The following LONP2 variants were observed in gnomAD, a reference collection of about 807,000 sequenced individuals.
LONP2 encodes the protein lon protease homolog 2, peroxisomal.
LONP2 carries 60 observed loss-of-function variants against 85.6 expected under a neutral mutation model. That is an observed-to-expected ratio of 0.70 (90% CI 0.57 to 0.87). LONP2 has a LOEUF of 0.87. Among genes scored for constraint, LONP2 ranks in the 40% least tolerant of loss-of-function variants. The probability of loss-of-function intolerance (pLI) is 0.00; values close to 1 mark genes in which losing one functional copy is unlikely to be tolerated. For synonymous variants in LONP2, 395 were observed against 389.7 expected, an observed-to-expected ratio of 1.01 and a Z score of -0.16; for missense variants, 860 against 1,063.5, an observed-to-expected ratio of 0.81 and a Z score of 2.66.
chr16:48,261,395 C>T (rs746767785), intron 4 of LONP2, 29 bp from the exon 5 acceptor site: 19 of 1,520,466 alleles, frequency 1.2e-5, no homozygotes, highest in Middle Eastern at 4.3e-4. Flanking sequence ...TTTTGACATA[C>T]GGTTTTACTT....
At position 48,351,672 on chromosome 16, in the gene LONP2, G is replaced by A. The variant is rs1960154065; in HGVS notation, c.2429G>A (p.Gly810Glu). The change falls in exon 15 of 15, where the codon GGA (glycine) becomes GAA (glutamate). Residue 810 changes from glycine to glutamate, a missense_variant. This residue lies in a region of LONP2 where 115 missense variants were observed against 129.0 expected (regional missense o/e 0.89). Transcript: ENST00000285737. ...IPRRNEKDLE[G>E]IPGNVRQDLS... ...CGGAGAAATGAAAAAGACCTTGAGGGAATCCCAGGCAACGTACGACAGGAT... is the reference window on the plus strand; with the variant it reads ...CGGAGAAATGAAAAAGACCTTGAGGAAATCCCAGGCAACGTACGACAGGAT... 1.9e-6 allele frequency: 3 copies of A among 1,614,042 alleles called. No individual in the cohort carries two copies. In the African/African-American group the frequency reaches 4.0e-5, roughly 22 times the overall value.
intron 13 of LONP2, 52 bp downstream of exon 13, chr16:48,347,766 C>A: frequency 6.5e-7 from 1 of 1,527,688 alleles, no homozygotes; most frequent in South Asian, 1.2e-5. Flanking sequence ...CGGTACCTTC[C>A]ATGGCGGAGA....
chr16:48,286,529 G>T (rs1269099189), intron 8 of LONP2, among the ~76,000 whole-genome samples: 1 of 151,988 alleles, frequency 6.6e-6, no homozygotes, highest in Admixed American at 6.6e-5. Context: ...TTGAGACAGG[G>T]TCTCGCTCTG....
chr16:48,265,398 G>T (rs1971969354), intron 6 of LONP2, among the ~76,000 whole-genome samples: 1 of 152,142 alleles, frequency 6.6e-6, no homozygotes, highest in African/African-American at 2.4e-5. Flanking sequence ...TTTGTACATG[G>T]TGTCATATAA....
rs78793668 is a variant in LONP2, at chr16:48,292,356, G to A, written c.1384-3659G>A. 1.9e-4 allele frequency among the ~76,000 whole-genome samples: 29 copies of A among 152,266 alleles called. No homozygotes were observed. In the East Asian group the frequency reaches 5.4e-3, roughly 28 times the overall value. On this transcript the variant is annotated intron_variant, in intron 8 of 14. Coordinates refer to ENST00000285737, the MANE Select transcript of LONP2 (RefSeq NM_031490.5). ...ATTTCTCAGTGGGGGGATTGTGAGG[G>A]AGATATGTAGCTTTTTTTGTCTTTG...
chr16:48,329,744 C>T (rs1181103167), intron 11 of LONP2, among the ~76,000 whole-genome samples: 2 of 152,132 alleles, frequency 1.3e-5, no homozygotes, highest in Non-Finnish European at 2.9e-5. Context: ...CTCAGTTTAA[C>T]GTTGTTTTGA....
At chr16:48,333,694 G>A (rs1393609093) in intron 11 of LONP2, among the ~76,000 whole-genome samples, 1 of 150,266 alleles carries the variant, frequency 6.7e-6, no homozygotes, top group African/African-American at 2.4e-5. Context: ...GAGAGAGAGA[G>A]AGAGAAGAGG....
At chr16:48,248,540 A>C (rs1971528384) in intron 1 of LONP2, among the ~76,000 whole-genome samples, 1 of 152,108 alleles carries the variant, frequency 6.6e-6, no homozygotes, top group Non-Finnish European at 1.5e-5. Context: ...TGAAACTGCA[A>C]AGCATTCTAA....
chr16:48,258,550 T>G (rs1971810867), intron 3 of LONP2, 68 bp from the exon 4 acceptor site: 8 of 1,491,994 alleles, frequency 5.4e-6, no homozygotes, highest in Non-Finnish European at 7.2e-6. Context: ...AAACCATGGC[T>G]CTGACTGTCT....
chr16:48,331,698 G>A (rs1198972260), intron 11 of LONP2, among the ~76,000 whole-genome samples: 1 of 151,776 alleles, frequency 6.6e-6, no homozygotes, highest in African/African-American at 2.4e-5. Context: ...CCGAGTAGCT[G>A]GGACTACAGG....
chr16:48,334,170 C>T (rs771327481), intron 11 of LONP2, 46 bp from the exon 12 acceptor site: 4 of 1,577,046 alleles, frequency 2.5e-6, no homozygotes, highest in African/African-American at 2.7e-5. Flanking sequence ...AATTTTCCAG[C>T]CTGCAAATCT....
intron 11 of LONP2, among the ~76,000 whole-genome samples, chr16:48,319,343 C>T (rs1973214357): frequency 6.6e-6 from 1 of 151,934 alleles, no homozygotes; most frequent in African/African-American, 2.4e-5. Context: ...AATCAAGCCA[C>T]TGCACTCTAG....
intron 7 of LONP2, among the ~76,000 whole-genome samples, chr16:48,277,087 A>G (rs1001416195): frequency 5.9e-5 from 9 of 152,164 alleles, no homozygotes; most frequent in Non-Finnish European, 8.8e-5. Context: ...CATTTCACCA[A>G]ATGGCAAAAT....
intron 12 of LONP2, chr16:48,343,652 C>T (rs1020480764): frequency 4.0e-5 from 6 of 151,802 alleles, no homozygotes; most frequent in Admixed American, 2.6e-4. Flanking sequence ...GAGCCCAGAT[C>T]GTGCCATTGC....
At chr16:48,283,673 A>G (rs887498340) in intron 8 of LONP2, among the ~76,000 whole-genome samples, 1 of 152,336 alleles carries the variant, frequency 6.6e-6, no homozygotes, top group South Asian at 2.1e-4. Context: ...CTCGTTGTCA[A>G]TGCTTCTGGT....
At chr16:48,284,602 A>G (rs1972398696) in intron 8 of LONP2, among the ~76,000 whole-genome samples, 1 of 152,260 alleles carries the variant, frequency 6.6e-6, no homozygotes, top group Non-Finnish European at 1.5e-5. Flanking sequence ...TTGTTAATTA[A>G]GGCATGTACA....
downstream of LONP2, chr16:48,357,468 C>CTCTA: frequency 6.6e-6 from 1 of 152,248 alleles, no homozygotes; most frequent in East Asian, 1.9e-4. Context: ...CTCTGTAACA[C>CTCTA]TCTATCTGTA....
chr16:48,289,583 C>G (rs868824390), intron 8 of LONP2, among the ~76,000 whole-genome samples: 24 of 152,242 alleles, frequency 1.6e-4, no homozygotes, highest in Middle Eastern at 6.8e-3. Flanking sequence ...AATATATTTT[C>G]TTTTCACAGC....
intron 11 of LONP2, among the ~76,000 whole-genome samples, chr16:48,329,591 GA>G (rs1390376100): frequency 6.6e-6 from 1 of 152,042 alleles, no homozygotes; most frequent in Non-Finnish European, 1.5e-5. Context: ...TATCTATAGG[GA>G]AAAAATGGTA....
Sources: gnomAD v4.1 joint callset for allele counts (sites outside exome capture counted in the v4.1 genomes callset) on GRCh38, gnomAD v4.1.1 for gene constraint, gnomAD v4.1.1 regional missense constraint, MANE v1.5 for transcripts, NCBI Gene and HGNC (gene_info 2026-07-23, HGNC 2026-07-21) for gene names.